KIAA1217: variants seen among roughly 807,000 people sequenced by gnomAD.
KIAA1217 encodes the protein sickle tail protein homolog.
In KIAA1217, 88 loss-of-function variants were observed where a neutral mutation model predicts 163.9. The observed-to-expected ratio is 0.54, with a 90% CI of 0.45 to 0.64. The LOEUF (loss-of-function observed/expected upper bound fraction) is 0.64. Ranked by LOEUF, KIAA1217 falls within the 30% of genes least tolerant of loss-of-function variation. The pLI, the probability that KIAA1217 is intolerant of heterozygous loss-of-function variation, is 0.00. For missense variants in KIAA1217, 2,372 were observed against 2,475.0 expected, an observed-to-expected ratio of 0.96 and a Z score of 0.88; for synonymous variants, 903 against 923.1, an observed-to-expected ratio of 0.98 and a Z score of 0.39.
At chr10:23,958,732 C>T (rs1036699703) in intron 1 of KIAA1217, among the ~76,000 whole-genome samples, 6 of 151,890 alleles carry the variant, frequency 4.0e-5, no homozygotes, top group African/African-American at 1.5e-4. Context: ...TTAACCCGAG[C>T]GAGTTTAGGC....
At chr10:23,854,846 T>G (rs1401438621) in intron 1 of KIAA1217, among the ~76,000 whole-genome samples, 1 of 152,144 alleles carries the variant, frequency 6.6e-6, no homozygotes, top group Non-Finnish European at 1.5e-5. Flanking sequence ...CCCCTGCCTT[T>G]TTTTGTTTTC....
At chr10:24,328,197 T>G (rs1311126993) in intron 2 of KIAA1217, among the ~76,000 whole-genome samples, 2 of 152,184 alleles carry the variant, frequency 1.3e-5, no homozygotes, top group Admixed American at 1.3e-4. Flanking sequence ...GAGATCAGTC[T>G]CAAATTCATC....
intron 1 of KIAA1217, among the ~76,000 whole-genome samples, chr10:23,893,189 G>T (rs1431485060): frequency 1.3e-5 from 2 of 152,066 alleles, no homozygotes; most frequent in Non-Finnish European, 2.9e-5. Flanking sequence ...GGTCCATTCA[G>T]AGATTCAACC....
At chr10:23,768,266 A>C (rs1165663646) in intron 1 of KIAA1217, among the ~76,000 whole-genome samples, 1 of 152,118 alleles carries the variant, frequency 6.6e-6, no homozygotes, top group Non-Finnish European at 1.5e-5. Flanking sequence ...AGGAATGATG[A>C]CAGTTGCATA....
chr10:24,196,267 C>G (rs928654195), intron 2 of KIAA1217, among the ~76,000 whole-genome samples: 2 of 152,110 alleles, frequency 1.3e-5, no homozygotes, highest in Non-Finnish European at 2.9e-5. Flanking sequence ...GCAACCCCAC[C>G]CAACGCGCAG....
chr10:24,322,003 C>T (rs935335954), intron 2 of KIAA1217, among the ~76,000 whole-genome samples: 13 of 152,058 alleles, frequency 8.5e-5, no homozygotes, highest in African/African-American at 1.4e-4. Flanking sequence ...GGCTGGAGTG[C>T]GGTGGCCCGA....
chr10:24,473,281 C>T lies in KIAA1217; in HGVS notation c.900C>T (p.Pro300=), dbSNP rs200740349. The T allele has an allele frequency of 2.5e-5, 38 of 1,526,438 alleles. 1 individual carries two copies. The highest frequency in any genetic ancestry group is 9.2e-5 in the South Asian group (7 of 75,900). The allele number at this position is 1,526,438 out of a possible 1,614,324, so 94.6% of individuals were successfully genotyped here. The change falls in exon 6 of 21, where the codon CCC becomes CCT. Residue 300 remains proline (P), a synonymous_variant. Coordinates refer to ENST00000376454, the MANE Select transcript of KIAA1217 (RefSeq NM_019590.5). ...ARGDGPGAPR[P]GSTAHPPHAI... ...GAGATGGCCCTGGGGCCCCTCGCCC[C>T]GGATCTACTGCTCATCCACCCCATG... is the stretch of plus-strand genomic sequence containing the variant.
chr10:23,709,523 T>C (rs999665512), intron 1 of KIAA1217, among the ~76,000 whole-genome samples: 5 of 151,020 alleles, frequency 3.3e-5, no homozygotes, highest in African/African-American at 1.2e-4. Flanking sequence ...AGCAATACCC[T>C]GTCTCCAAAA....
intron 5 of KIAA1217, among the ~76,000 whole-genome samples, chr10:24,471,430 T>C (rs1224156088): frequency 2.0e-5 from 3 of 152,058 alleles, no homozygotes; most frequent in South Asian, 2.1e-4. Flanking sequence ...CACTGCACCT[T>C]GACCAAAGCA....
rs528388649 is a variant in KIAA1217, at chr10:24,247,644, A to G, written c.354+27735A>G. 2.6e-5 allele frequency among the ~76,000 whole-genome samples: 4 copies of G among 152,250 alleles called. No homozygotes were observed. The East Asian group carries it at 7.7e-4, about 29-fold the overall frequency. ...AACCCCGTCTCTACTAAAAATACAAAAACAAAATTAGCAGGGTGTTGTGGC... is the reference window on the plus strand; with the variant it reads ...AACCCCGTCTCTACTAAAAATACAAGAACAAAATTAGCAGGGTGTTGTGGC... On this transcript the variant is annotated intron_variant, in intron 2 of 20. Transcript: ENST00000376454.
intron 3 of KIAA1217, among the ~76,000 whole-genome samples, chr10:24,431,682 C>CA (rs1357290560): frequency 3.9e-5 from 6 of 152,276 alleles, no homozygotes; most frequent in African/African-American, 1.4e-4. Context: ...CTCCAGGGTG[C>CA]AAACACATAT....
chr10:23,923,502 G>A (rs571402490), intron 1 of KIAA1217, among the ~76,000 whole-genome samples: 7 of 152,188 alleles, frequency 4.6e-5, no homozygotes, highest in Admixed American at 2.0e-4. Context: ...ATCTGGGTGG[G>A]CCCTAAATGT....
chr10:24,339,536 G>C (rs1242403776), intron 2 of KIAA1217, among the ~76,000 whole-genome samples: 1 of 152,194 alleles, frequency 6.6e-6, no homozygotes, highest in Admixed American at 6.5e-5. Flanking sequence ...CAAGGGTGAG[G>C]TGATAATCAG....
intron 2 of KIAA1217, among the ~76,000 whole-genome samples, chr10:24,098,849 T>C (rs1262913224): frequency 1.3e-5 from 2 of 151,908 alleles, no homozygotes; most frequent in Non-Finnish European, 2.9e-5. Flanking sequence ...CTAGGCATGG[T>C]GGTATGCACC....
intron 1 of KIAA1217, among the ~76,000 whole-genome samples, chr10:23,732,896 A>G (rs532007577): frequency 1.3e-5 from 2 of 152,316 alleles, no homozygotes; most frequent in Admixed American, 1.3e-4. Flanking sequence ...AATCTTCAAA[A>G]TGATCAGCTT....
At chr10:24,462,058 A>G (rs2132625281) in intron 5 of KIAA1217, among the ~76,000 whole-genome samples, 1 of 152,250 alleles carries the variant, frequency 6.6e-6, no homozygotes, top group African/African-American at 2.4e-5. Context: ...TTCTGTGTGT[A>G]CATATATGTA....
chr10:24,309,348 GCGCACA>G (rs1293442798), intron 2 of KIAA1217, among the ~76,000 whole-genome samples: 1,987 of 125,460 alleles, frequency 0.016, 30 homozygotes, highest in East Asian at 0.1. Context: ...GCACGCGCGC[GCGCACA>G]CACACACACA....
At chr10:24,046,665 T>C (rs1360188073) in intron 2 of KIAA1217, among the ~76,000 whole-genome samples, 1 of 152,166 alleles carries the variant, frequency 6.6e-6, no homozygotes, top group Non-Finnish European at 1.5e-5. Flanking sequence ...TCCACCCCCA[T>C]GATTCAGTCA....
intron 1 of KIAA1217, among the ~76,000 whole-genome samples, chr10:23,705,328 A>T (rs1199880383): frequency 6.6e-6 from 1 of 152,126 alleles, no homozygotes; most frequent in African/African-American, 2.4e-5. Flanking sequence ...TGTGCAACAA[A>T]TGCAGATTCA....
Sources: allele counts gnomAD v4.1 joint callset (sites outside exome capture counted in the v4.1 genomes callset), GRCh38; gene constraint gnomAD v4.1.1; transcripts MANE v1.5; gene names NCBI Gene and HGNC (gene_info 2026-07-23, HGNC 2026-07-21).